SLC9C1: variants seen among roughly 807,000 people sequenced by gnomAD.
SLC9C1 encodes the protein solute carrier family 9 member C1.
A neutral mutation model predicts 140.9 loss-of-function variants in SLC9C1; 97 were observed. The observed-to-expected ratio is 0.69, with a 90% CI of 0.58 to 0.82. The LOEUF (loss-of-function observed/expected upper bound fraction) is 0.82. SLC9C1 is among the 40% of genes least tolerant of loss of function. SLC9C1 has a pLI of 0.00. For synonymous variants in SLC9C1, 440 were observed against 442.6 expected (o/e 0.99, Z 0.07); for missense variants, 1,340 against 1,389.3 (o/e 0.96, Z 0.56).
chr3:112,222,360 G>A (rs952539257), intron 13 of SLC9C1, among the ~76,000 whole-genome samples: 21 of 152,026 alleles, frequency 1.4e-4, no homozygotes, highest in Middle Eastern at 3.2e-3. Context: ...AGAAGAACTT[G>A]GAAGATATTA....
At chr3:112,262,856 A>G (rs201264867) in intron 10 of SLC9C1, 68 bp downstream of exon 10, 1 of 1,269,750 alleles carries the variant, frequency 7.9e-7, no homozygotes, top group African/African-American at 1.7e-5. Flanking sequence ...CTACAAAAAA[A>G]CATATATTTT....
chr3:112,154,702 T>C (rs1048353148), intron 27 of SLC9C1, among the ~76,000 whole-genome samples: 4 of 152,170 alleles, frequency 2.6e-5, no homozygotes, highest in Non-Finnish European at 5.9e-5. Context: ...GGAAAGGGCT[T>C]GGGTGTGCTA....
intron 26 of SLC9C1, among the ~76,000 whole-genome samples, chr3:112,165,081 G>A (rs1403377409): frequency 6.6e-6 from 1 of 152,100 alleles, no homozygotes; most frequent in Admixed American, 6.5e-5. Context: ...TGAGGCTTGT[G>A]CGTTCATCAC....
chr3:112,150,815 CATATACATAT>C (rs1560003425), intron 28 of SLC9C1, among the ~76,000 whole-genome samples: 1 of 20,122 alleles, frequency 5.0e-5, no homozygotes, highest in Non-Finnish European at 9.4e-5. Flanking sequence ...TATATAAATA[CATATACATAT>C]ATATATATAT....
rs1298956387 is a variant in SLC9C1 at position 112,182,164 on chromosome 3, T to G, written c.2618A>C (p.Asp873Ala). ...EEVLYHIPWLDKNKDYINFIQ... is the reference protein window; with the variant it reads ...EEVLYHIPWLAKNKDYINFIQ... ...GAAGTTTATATAATCTTTGTTTTTA[T>G]CTAGCCACGGAATATGATATAGAAC... is the stretch of plus-strand genomic sequence containing the variant. The change falls in exon 21 of 29, where the codon GAT becomes GCT. Residue 873 changes from aspartate (D) to alanine (A), a missense_variant. By Grantham distance (126) the Asp-to-Ala change is moderately radical (BLOSUM62 -2). Transcript: ENST00000305815. 4 of 1,578,860 alleles carry G rather than the reference T, an allele frequency of 2.5e-6. No homozygotes were observed. The highest frequency in any genetic ancestry group is 1.7e-6 in the Non-Finnish European group (2 of 1,164,462).
chr3:112,198,216 T>A (rs1301022061), intron 20 of SLC9C1, among the ~76,000 whole-genome samples: 2 of 151,998 alleles, frequency 1.3e-5, no homozygotes, highest in Non-Finnish European at 2.9e-5. Flanking sequence ...GAGTTTCTAA[T>A]TGTAATTGTA....
intron 11 of SLC9C1, among the ~76,000 whole-genome samples, chr3:112,241,310 A>C (rs2079132498): frequency 6.6e-6 from 1 of 151,554 alleles, no homozygotes; most frequent in Non-Finnish European, 1.5e-5. Context: ...TACACCTACT[A>C]TGTACCAACA....
At chr3:112,190,569 A>G (rs2077636818) in intron 20 of SLC9C1, among the ~76,000 whole-genome samples, 1 of 152,010 alleles carries the variant, frequency 6.6e-6, no homozygotes, top group African/African-American at 2.4e-5. Context: ...TTTGCCCATC[A>G]TTTCTGATTT....
intron 11 of SLC9C1, among the ~76,000 whole-genome samples, chr3:112,242,832 GA>G (rs781371058): frequency 1.2e-4 from 18 of 150,322 alleles, no homozygotes; most frequent in Admixed American, 3.3e-4. Context: ...AAATTAAAAC[GA>G]AAAAAAAGTC....
chr3:112,183,910 G>GGAACCT (rs1393948702), intron 20 of SLC9C1, among the ~76,000 whole-genome samples: 1 of 6,108 alleles, frequency 1.6e-4, no homozygotes, highest in Non-Finnish European at 3.6e-4. Flanking sequence ...TATATTCACA[G>GGAACCT]TCTGTTCCAG....
intron 26 of SLC9C1, among the ~76,000 whole-genome samples, chr3:112,162,226 T>C (rs1231563028): frequency 6.6e-6 from 1 of 152,166 alleles, no homozygotes; most frequent in Non-Finnish European, 1.5e-5. Context: ...ACAGGGACAA[T>C]TTGACTTCCT....
Position 112,165,714 on chromosome 3 carries a change from G to T in SLC9C1, c.3364+1507C>A, listed in dbSNP as rs191141187. On this transcript the variant is annotated intron_variant, in intron 26 of 28. Coordinates refer to ENST00000305815, the MANE Select transcript of SLC9C1 (RefSeq NM_183061.3). Reference sequence around the variant, plus strand: ...TGCCTCCCAGTTAGGCTACTCGGGGGTCAGGGACCCACTTGAGGAGGCAGT... The same window carrying T: ...TGCCTCCCAGTTAGGCTACTCGGGGTTCAGGGACCCACTTGAGGAGGCAGT... Among the ~76,000 whole-genome samples the T allele has an allele frequency of 2.3e-3, 355 of 152,322 alleles. 1 individual carries two copies. Among genetic ancestry groups the T allele is most frequent in the African/African-American group, 7.8e-3 (324 of 41,580 alleles).
intron 12 of SLC9C1, among the ~76,000 whole-genome samples, chr3:112,237,817 G>A (rs113151969): frequency 0.1 from 15,867 of 152,282 alleles, 886 homozygotes; most frequent in East Asian, 0.2. Flanking sequence ...AATTTCTGCC[G>A]TGAGATCAGC....
chr3:112,249,861 A>G (rs1350102538), intron 10 of SLC9C1, among the ~76,000 whole-genome samples: 3 of 151,570 alleles, frequency 2.0e-5, no homozygotes, highest in Admixed American at 6.6e-5. Context: ...CAACCTATCA[A>G]TCTTATTTAT....
At chr3:112,191,979 C>A (rs1051391649) in intron 20 of SLC9C1, among the ~76,000 whole-genome samples, 17 of 151,524 alleles carry the variant, frequency 1.1e-4, no homozygotes, top group African/African-American at 3.9e-4. Flanking sequence ...TTATTCTATT[C>A]TAATTCTTCA....
chr3:112,257,677 A>C (rs1442042594), intron 10 of SLC9C1, among the ~76,000 whole-genome samples: 1 of 152,206 alleles, frequency 6.6e-6, no homozygotes, highest in Non-Finnish European at 1.5e-5. Context: ...CAGCAATCAC[A>C]ACAAAAGCAA....
chr3:112,229,400 A>G (rs1046453087), intron 13 of SLC9C1, among the ~76,000 whole-genome samples: 3 of 152,168 alleles, frequency 2.0e-5, no homozygotes, highest in Admixed American at 1.3e-4. Flanking sequence ...TTATTTGATC[A>G]TGACACATGT....
At chr3:112,261,000 A>G (rs1048482771) in intron 10 of SLC9C1, among the ~76,000 whole-genome samples, 1 of 152,018 alleles carries the variant, frequency 6.6e-6, no homozygotes, top group Non-Finnish European at 1.5e-5. Context: ...AAACTCTCAT[A>G]TAGGTATTTT....
intron 23 of SLC9C1, among the ~76,000 whole-genome samples, chr3:112,173,326 A>G (rs1427278574): frequency 2.0e-5 from 3 of 152,208 alleles, no homozygotes; most frequent in African/African-American, 7.2e-5. Flanking sequence ...TTTGTTATAT[A>G]GGTAAATTAC....
Sources: gnomAD v4.1 joint callset for allele counts (sites outside exome capture counted in the v4.1 genomes callset) on GRCh38, gnomAD v4.1.1 for gene constraint, MANE v1.5 for transcripts, NCBI Gene and HGNC (gene_info 2026-07-23, HGNC 2026-07-21) for gene names.